Variants in SCN7A observed in about 807,000 individuals in gnomAD.
SCN7A encodes the protein sodium channel protein type 7 subunit alpha.
In SCN7A, 138 loss-of-function variants were observed where a neutral mutation model predicts 155.2. The ratio of observed to expected loss-of-function variants is 0.89; its 90% CI spans 0.77 to 1.02. The LOEUF is 1.02. SCN7A is among the 50% of genes least tolerant of loss of function. The pLI, the probability that SCN7A is intolerant of heterozygous loss-of-function variation, is 0.00. For missense variants in SCN7A, 2,058 were observed against 1,986.6 expected (o/e 1.04, Z -0.68); for synonymous variants, 693 against 649.0 (o/e 1.07, Z -1.03).
chr2:166,486,266 T>C (rs1028505916), intron 2 of SCN7A, among the ~76,000 whole-genome samples: 2 of 152,166 alleles, frequency 1.3e-5, no homozygotes, highest in South Asian at 2.1e-4. Context: ...ACTAAGCTCA[T>C]AGATCCACAA....
intron 9 of SCN7A, 22 bp from the exon 10 acceptor site, chr2:166,462,552 A>AT (rs748126857): frequency 9.9e-6 from 16 of 1,610,292 alleles, no homozygotes; most frequent in Non-Finnish European, 1.4e-5. Flanking sequence ...AAAGAAAAAA[A>AT]CCTGCTTACT....
Position 166,421,225 on chromosome 2 carries a change from G to A in SCN7A, c.3100C>T (p.Pro1034Ser), listed in dbSNP as rs1701503141. 2 of 1,535,442 alleles carry A rather than the reference G, an allele frequency of 1.3e-6. No individual in the cohort carries two copies. Among genetic ancestry groups the A allele is most frequent in the South Asian group, 2.5e-5 (2 of 79,998 alleles). ...TCAAATTGAGATAGAACTCTGAGGG[G>A]CCGAAGGAATTTCATGGAAATAAGA... ...KPLISMKFLR[P>S]LRVLSQFERM... The change falls in exon 20 of 26, where the codon CCC becomes TCC. Residue 1034 changes from proline to serine, a missense_variant. Pro to Ser is a moderately conservative substitution (Grantham distance 74). Coordinates refer to ENST00000643258, the MANE Select transcript of SCN7A (RefSeq NM_002976.4).
At chr2:166,414,833 TATATATAATATATAGG>T (rs1349714132) in intron 21 of SCN7A, 9 of 132,134 alleles carry the variant, frequency 6.8e-5, no homozygotes, top group Non-Finnish European at 1.1e-4. Flanking sequence ...TATAATAGGA[TATATATAATATATAGG>T]ATATATAATA....
intron 12 of SCN7A, 72 bp from the exon 13 acceptor site, chr2:166,445,072 T>C (rs537852306): frequency 3.3e-6 from 3 of 899,296 alleles, no homozygotes; most frequent in African/African-American, 1.7e-5. Context: ...TCCCAGCACT[T>C]TGGGAAGCCG....
chr2:166,468,591 T>G (rs1702587029), intron 7 of SCN7A, among the ~76,000 whole-genome samples: 1 of 152,066 alleles, frequency 6.6e-6, no homozygotes. Flanking sequence ...AGCAGTAATT[T>G]GCAATCCATT....
At chr2:166,442,562 T>TA (rs1701983809) in intron 14 of SCN7A, among the ~76,000 whole-genome samples, 1 of 151,578 alleles carries the variant, frequency 6.6e-6, no homozygotes, top group Non-Finnish European at 1.5e-5. Context: ...AATTTTTTAT[T>TA]TTTTTTTAGA....
chr2:166,423,186 C>T, intron 19 of SCN7A, 73 bp downstream of exon 19: 19 of 1,420,336 alleles, frequency 1.3e-5, no homozygotes, highest in Non-Finnish European at 1.7e-5. Flanking sequence ...AACAAACTGA[C>T]AGGAAGTGAA....
At chr2:166,441,820 A>T (rs1295387000) in intron 14 of SCN7A, 68 bp from the exon 15 acceptor site, 1 of 1,177,586 alleles carries the variant, frequency 8.5e-7, no homozygotes, top group African/African-American at 1.5e-5. Flanking sequence ...GTATATTACA[A>T]GGTACAGTGT....
At chr2:166,414,875 A>T (rs1448559242) in intron 21 of SCN7A, 6 of 97,294 alleles carry the variant, frequency 6.2e-5, no homozygotes, top group African/African-American at 2.0e-4. Context: ...TATATATTAT[A>T]TAGGATAATA....
chr2:166,425,541 G>A (rs1701604142), intron 18 of SCN7A, among the ~76,000 whole-genome samples: 1 of 152,092 alleles, frequency 6.6e-6, no homozygotes. Context: ...TCGAGGTGAT[G>A]AGAAGGCTAG....
intron 20 of SCN7A, among the ~76,000 whole-genome samples, chr2:166,418,969 A>G (rs1343139175): frequency 1.3e-5 from 2 of 152,248 alleles, no homozygotes; most frequent in Admixed American, 6.5e-5. Context: ...AAGCATGGCT[A>G]CTATTTTCCT....
intron 20 of SCN7A, among the ~76,000 whole-genome samples, chr2:166,419,188 T>C (rs1701455163): frequency 6.6e-6 from 1 of 152,110 alleles, no homozygotes; most frequent in Admixed American, 6.6e-5. Context: ...ACTGGTATTA[T>C]CCCGTTTTTT....
At chr2:166,480,992 C>T (rs1294739259) in intron 2 of SCN7A, among the ~76,000 whole-genome samples, 1 of 152,118 alleles carries the variant, frequency 6.6e-6, no homozygotes, top group South Asian at 2.1e-4. Flanking sequence ...TGCTAGATAG[C>T]ATTAAAATAA....
chr2:166,457,108 T>C (rs1243895573), intron 10 of SCN7A, 32 bp from the exon 11 acceptor site: 1 of 1,441,348 alleles, frequency 6.9e-7, no homozygotes, highest in African/African-American at 1.4e-5. Context: ...GGCAAAAGAG[T>C]AAAATGTTAT....
At chr2:166,439,687 A>G (rs1701915590) in intron 15 of SCN7A, among the ~76,000 whole-genome samples, 1 of 152,218 alleles carries the variant, frequency 6.6e-6, no homozygotes, top group Admixed American at 6.5e-5. Context: ...AAAGTGTACT[A>G]CTGTAACTAC....
intron 16 of SCN7A, among the ~76,000 whole-genome samples, chr2:166,429,557 G>A (rs1055973692): frequency 6.6e-6 from 1 of 152,034 alleles, no homozygotes; most frequent in Non-Finnish European, 1.5e-5. Flanking sequence ...AAGATGTATA[G>A]GCTGTCTCCA....
intron 9 of SCN7A, among the ~76,000 whole-genome samples, chr2:166,465,169 A>G (rs1406897045): frequency 6.6e-6 from 1 of 152,168 alleles, no homozygotes; most frequent in Admixed American, 6.5e-5. Context: ...AAAAGGTACC[A>G]TCTATTGACC....
rs1222589396 is a variant in SCN7A, at chr2:166,441,703, A to T, written c.1850T>A (p.Met617Lys). The T allele has an allele frequency of 6.2e-7, 1 of 1,612,546 alleles. No homozygotes were observed. Among genetic ancestry groups the T allele is most frequent in the East Asian group, 2.2e-5 (1 of 44,874 alleles). ...CACCCATGAGTTACTAAGAGACCAC[A>T]TCAAAATCTGGAATGTTGGCCAATA... ...GKYWPTFQIL[M>K]WSLSNSWVAL... Residue 617 changes from methionine (M) to lysine (K), a missense_variant, in exon 15 of 26, where the codon ATG becomes AAG. Coordinates refer to ENST00000643258, the MANE Select transcript of SCN7A (RefSeq NM_002976.4).
chr2:166,482,964 T>C (rs1702963493), intron 2 of SCN7A, among the ~76,000 whole-genome samples: 1 of 152,028 alleles, frequency 6.6e-6, no homozygotes, highest in Non-Finnish European at 1.5e-5. Context: ...CGAAAAAATA[T>C]AGAAAGATTA....
Sources: allele counts gnomAD v4.1 joint callset (sites outside exome capture counted in the v4.1 genomes callset), GRCh38; gene constraint gnomAD v4.1.1; transcripts MANE v1.5; gene names NCBI Gene and HGNC (gene_info 2026-07-23, HGNC 2026-07-21).